The following FGF14 variants were observed in gnomAD, a reference collection of about 807,000 sequenced individuals.
The protein encoded by FGF14 is fibroblast growth factor homologous factor 4.
A neutral mutation model predicts 25.5 loss-of-function variants in FGF14; 5 were observed. That is an observed-to-expected ratio of 0.20 (90% CI 0.10 to 0.41). The LOEUF (loss-of-function observed/expected upper bound fraction) is 0.41. FGF14 is among the 10% of genes least tolerant of loss of function. The pLI, the probability that FGF14 is intolerant of heterozygous loss-of-function variation, is 1.00. For synonymous variants in FGF14, 138 were observed against 118.3 expected, an observed-to-expected ratio of 1.17 and a Z score of -1.08; for missense variants, 222 against 320.1, an observed-to-expected ratio of 0.69 and a Z score of 2.34.
At chr13:101,738,298 G>T (rs2036313472) in intron 3 of FGF14, among the ~76,000 whole-genome samples, 2 of 151,972 alleles carry the variant, frequency 1.3e-5, no homozygotes, top group Non-Finnish European at 2.9e-5. Flanking sequence ...CAGATAAAAG[G>T]GGTTTAATTT....
intron 1 of FGF14, among the ~76,000 whole-genome samples, chr13:102,386,175 C>T (rs1482986909): frequency 6.7e-6 from 1 of 150,224 alleles, no homozygotes; most frequent in African/African-American, 2.5e-5. Context: ...TGCTGTCTCC[C>T]AGGCTGGAGT....
intron 1 of FGF14, among the ~76,000 whole-genome samples, chr13:102,037,887 C>T (rs1209299359): frequency 1.3e-5 from 2 of 152,034 alleles, no homozygotes; most frequent in Non-Finnish European, 2.9e-5. Flanking sequence ...ATAAATTTCC[C>T]TTTATATCAA....
At chr13:102,038,778 G>A (rs2041595129) in intron 1 of FGF14, among the ~76,000 whole-genome samples, 1 of 151,956 alleles carries the variant, frequency 6.6e-6, no homozygotes, top group Non-Finnish European at 1.5e-5. Context: ...ATATTTAAAT[G>A]ATTAAATGAA....
At chr13:101,920,728 A>T (rs1337964273), upstream of FGF14, among the ~76,000 whole-genome samples, 1 of 152,204 alleles carries the variant, frequency 6.6e-6, no homozygotes, top group African/African-American at 2.4e-5. Flanking sequence ...AATTCGAAAC[A>T]TAAGAAGTTA....
intron 1 of FGF14, among the ~76,000 whole-genome samples, chr13:102,249,170 T>C (rs2052035427): frequency 6.6e-6 from 1 of 152,082 alleles, no homozygotes; most frequent in Non-Finnish European, 1.5e-5. Context: ...CTACAATGGA[T>C]GAGATTTCCA....
At chr13:102,126,672 AT>A (rs1370343921) in intron 1 of FGF14, among the ~76,000 whole-genome samples, 1 of 152,200 alleles carries the variant, frequency 6.6e-6, no homozygotes, top group Non-Finnish European at 1.5e-5. Flanking sequence ...CCATACTTCA[AT>A]TTTATATCAC....
intron 1 of FGF14, among the ~76,000 whole-genome samples, chr13:102,159,817 A>G (rs2047538814): frequency 6.6e-6 from 1 of 152,204 alleles, no homozygotes; most frequent in African/African-American, 2.4e-5. Flanking sequence ...GAAATCTTAC[A>G]ATTTAAAGTT....
chr13:102,358,250 A>T (rs2057470992), intron 1 of FGF14, among the ~76,000 whole-genome samples: 1 of 152,208 alleles, frequency 6.6e-6, no homozygotes, highest in African/African-American at 2.4e-5. Flanking sequence ...TCAGGAATAC[A>T]TTAATTATAT....
intron 1 of FGF14, among the ~76,000 whole-genome samples, chr13:101,974,938 G>T (rs1015048961): frequency 6.6e-6 from 1 of 152,166 alleles, no homozygotes; most frequent in African/African-American, 2.4e-5. Flanking sequence ...TGAGGTAGAA[G>T]CTGAGAAATA....
At chr13:102,324,763 T>A (rs561112028) in intron 1 of FGF14, among the ~76,000 whole-genome samples, 1 of 152,330 alleles carries the variant, frequency 6.6e-6, no homozygotes, top group African/African-American at 2.4e-5. Context: ...CCATTTATAG[T>A]TTGTTTTTCT....
chr13:102,276,906 A>G (rs2053578972), intron 1 of FGF14, among the ~76,000 whole-genome samples: 1 of 152,212 alleles, frequency 6.6e-6, no homozygotes, highest in East Asian at 1.9e-4. Flanking sequence ...GTTCACAGGT[A>G]TCTGTGCTGA....
intron 1 of FGF14, among the ~76,000 whole-genome samples, chr13:102,104,104 C>A (rs483285): frequency 0.075 from 11,443 of 152,218 alleles, 1,089 homozygotes; most frequent in African/African-American, 0.22. Context: ...TCAGTAACCC[C>A]GAGGACTAAG....
chr13:102,078,163 A>C (rs990087330), intron 1 of FGF14, among the ~76,000 whole-genome samples: 6 of 152,186 alleles, frequency 3.9e-5, no homozygotes, highest in African/African-American at 1.4e-4. Flanking sequence ...ATTTTGGTCA[A>C]AGGACACAAA....
chr13:102,214,220 C>T (rs902346373), intron 1 of FGF14, among the ~76,000 whole-genome samples: 10 of 152,254 alleles, frequency 6.6e-5, no homozygotes, highest in African/African-American at 2.4e-4. Flanking sequence ...TCCTTTCACT[C>T]TCTGGACTTG....
intron 3 of FGF14, among the ~76,000 whole-genome samples, chr13:101,783,039 G>A (rs558791166): frequency 1.2e-4 from 19 of 152,070 alleles, no homozygotes; most frequent in Non-Finnish European, 2.8e-4. Context: ...GCCAGCATCT[G>A]TTATTTTTTA....
intron 3 of FGF14, among the ~76,000 whole-genome samples, chr13:101,797,782 T>TGCGTGTG (rs2040635579): frequency 6.9e-6 from 1 of 145,158 alleles, no homozygotes; most frequent in Admixed American, 6.8e-5. Context: ...TGTGTGTGTG[T>TGCGTGTG]TCAACCTCAG....
intron 3 of FGF14, among the ~76,000 whole-genome samples, chr13:101,780,032 G>A (rs1039099118): frequency 4.0e-4 from 61 of 152,170 alleles, no homozygotes; most frequent in Non-Finnish European, 5.4e-4. Context: ...TCGCACATTC[G>A]GATTTTGATT....
intron 1 of FGF14, among the ~76,000 whole-genome samples, chr13:102,094,162 T>A (rs1274020142): frequency 6.6e-6 from 1 of 151,620 alleles, no homozygotes; most frequent in African/African-American, 2.4e-5. Context: ...AAATACCTTT[T>A]TATCTTGAAT....
At chr13:102,348,366 G>T (rs1228193778) in intron 1 of FGF14, among the ~76,000 whole-genome samples, 1 of 152,178 alleles carries the variant, frequency 6.6e-6, no homozygotes, top group Non-Finnish European at 1.5e-5. Context: ...TGAGTCTCCT[G>T]TAGTTTGAAG....
Sources: allele counts gnomAD v4.1 joint callset (sites outside exome capture counted in the v4.1 genomes callset), GRCh38; gene constraint gnomAD v4.1.1; transcripts MANE v1.5; gene names NCBI Gene and HGNC (gene_info 2026-07-23, HGNC 2026-07-21).